Variants in EGF observed in about 807,000 individuals in gnomAD.
The protein encoded by EGF is pro-epidermal growth factor.
In EGF, 95 loss-of-function variants were observed where a neutral mutation model predicts 143.8. That is an observed-to-expected ratio of 0.66 (90% CI 0.56 to 0.78). The LOEUF (loss-of-function observed/expected upper bound fraction) is 0.78. EGF is among the 30% of genes least tolerant of loss of function. EGF has a pLI of 0.00. For missense variants in EGF, 1,320 were observed against 1,470.9 expected, an observed-to-expected ratio of 0.90 and a Z score of 1.68; for synonymous variants, 510 against 510.5, an observed-to-expected ratio of 1.00 and a Z score of 0.01.
intron 18 of EGF, among the ~76,000 whole-genome samples, chr4:109,990,810 G>A (rs1055046020): frequency 4.6e-5 from 7 of 152,286 alleles, no homozygotes; most frequent in South Asian, 2.1e-4. Flanking sequence ...GCAAGAGAAC[G>A]CTCTAGTTTC....
rs753084591 is a variant in EGF at position 109,994,744 on chromosome 4, C to G, written c.2869C>G (p.Pro957Ala). The change falls in exon 20 of 24, where the codon CCC becomes GCC. Residue 957 changes from proline (P) to alanine (A), a missense_variant. Pro to Ala is a conservative substitution (Grantham distance 27). This residue lies in a region of EGF where 1,186 missense variants were observed against 1,313.7 expected (regional missense o/e 0.90). Coordinates refer to ENST00000265171, the MANE Select transcript of EGF (RefSeq NM_001963.6). ...TTGGGTTCTTTTAGACTCTACTCCA[C>G]CCCCTCACCTCAGGGAAGATGACCA... Reference protein sequence around the residue: ...PGLICPDSTPPPHLREDDHHY... With the variant: ...PGLICPDSTPAPHLREDDHHY... 1.9e-6 allele frequency: 3 copies of G among 1,614,040 alleles called. No individual in the cohort carries two copies. In the South Asian group the frequency reaches 3.3e-5, roughly 18 times the overall value.
intron 6 of EGF, 59 bp downstream of exon 6, chr4:109,959,496 C>T (rs1301762606): frequency 6.2e-7 from 1 of 1,610,238 alleles, no homozygotes; most frequent in Non-Finnish European, 8.5e-7. Flanking sequence ...GGGAGGAATG[C>T]TCAACTGAGC....
chr4:109,999,055 ACGTCCCTTTTTC>A (rs1752202995), intron 20 of EGF, among the ~76,000 whole-genome samples: 1 of 152,214 alleles, frequency 6.6e-6, no homozygotes, highest in African/African-American at 2.4e-5. Context: ...TTGTAGGTGA[ACGTCCCTTTTTC>A]CTCCATATAG....
At chr4:109,936,506 A>G (rs1168051147) in intron 1 of EGF, among the ~76,000 whole-genome samples, 3 of 152,128 alleles carry the variant, frequency 2.0e-5, no homozygotes, top group Non-Finnish European at 4.4e-5. Flanking sequence ...TCCTGGATTC[A>G]TTAATTTTTT....
rs748212073 is a variant in EGF at position 109,913,355 on chromosome 4, T to A, written c.20T>A (p.Ile7Asn). Residue 7 changes from isoleucine to asparagine, a missense_variant, in exon 1 of 24, where the codon ATT (isoleucine) becomes AAT (asparagine). Around this residue, in one of 5 missense-constraint regions of EGF, gnomAD observed 79 missense variants for 71.2 expected, o/e 1.11. Coordinates refer to ENST00000265171, the MANE Select transcript of EGF (RefSeq NM_001963.6). ...AAGATTATGCTGCTCACTCTTATCA[T>A]TCTGTTGCCAGTAGTTTCAAAATTT... Reference protein sequence around the residue: MLLTLIILLPVVSKFSF... With the variant: MLLTLINLLPVVSKFSF... 2 of 1,613,876 alleles carry A rather than the reference T, an allele frequency of 1.2e-6. No individual in the cohort carries two copies. The highest frequency in any genetic ancestry group is 2.7e-5 in the African/African-American group (2 of 74,936).
chr4:109,926,025 A>C (rs1738579384), intron 1 of EGF, among the ~76,000 whole-genome samples: 1 of 152,172 alleles, frequency 6.6e-6, no homozygotes, highest in African/African-American at 2.4e-5. Flanking sequence ...AGTAATCATA[A>C]AAATCTTTGT....
At chr4:109,993,439 A>G (rs1054384975) in intron 19 of EGF, 70 bp downstream of exon 19, 2 of 1,596,008 alleles carry the variant, frequency 1.3e-6, no homozygotes, top group African/African-American at 1.3e-5. Flanking sequence ...CCTAATCTCT[A>G]TTTGCATTAG....
chr4:110,010,299 A>G (rs1578419789), intron 23 of EGF, among the ~76,000 whole-genome samples: 3 of 151,462 alleles, frequency 2.0e-5, no homozygotes, highest in East Asian at 1.9e-4. Flanking sequence ...CCTGAGCTCT[A>G]TCTACTCTCA....
chr4:109,922,002 A>G (rs1220017681), intron 1 of EGF, among the ~76,000 whole-genome samples: 1 of 151,480 alleles, frequency 6.6e-6, no homozygotes, highest in African/African-American at 2.5e-5. Flanking sequence ...TGAAGCTACC[A>G]AGGGTCTTCT....
At position 109,913,477 on chromosome 4, in the gene EGF, GA is replaced by G. The variant is rs749414467; in HGVS notation, c.127+19del. On this transcript the variant is annotated intron_variant, in intron 1 of 23. Transcript: ENST00000265171. ...TACTTGTGTGGGTAAGTACTCCAATGAAAAGGTGCTCCAGGTCTCCGGGAAA... is the reference window on the plus strand; with the variant it reads ...TACTTGTGTGGGTAAGTACTCCAATGAAAGGTGCTCCAGGTCTCCGGGAAA... The G allele has an allele frequency of 1.2e-6, 2 of 1,612,742 alleles. No homozygotes were observed. Among genetic ancestry groups the G allele is most frequent in the East Asian group, 2.2e-5 (1 of 44,780 alleles).
chr4:109,997,319 C>T (rs1229170166), intron 20 of EGF, among the ~76,000 whole-genome samples: 1 of 152,078 alleles, frequency 6.6e-6, no homozygotes, highest in African/African-American at 2.4e-5. Flanking sequence ...AATCTTGTAG[C>T]CTCCAGCTGC....
intron 1 of EGF, among the ~76,000 whole-genome samples, chr4:109,931,245 C>A (rs1739635827): frequency 6.6e-6 from 1 of 152,172 alleles, no homozygotes; most frequent in Non-Finnish European, 1.5e-5. Flanking sequence ...ACTTTCACAT[C>A]TGTAATTATT....
At chr4:110,001,300 T>C (rs181913896) in intron 21 of EGF, among the ~76,000 whole-genome samples, 3 of 152,350 alleles carry the variant, frequency 2.0e-5, no homozygotes, top group Non-Finnish European at 4.4e-5. Flanking sequence ...ATCTGTTATT[T>C]TGATTTTTTA....
chr4:109,980,597 G>T, intron 14 of EGF: 1 of 556,096 alleles, frequency 1.8e-6, no homozygotes, highest in Non-Finnish European at 3.2e-6. Flanking sequence ...TGAAAAAAGT[G>T]CTGGCTATAC....
At chr4:109,919,456 C>T (rs1737393779) in intron 1 of EGF, among the ~76,000 whole-genome samples, 1 of 151,934 alleles carries the variant, frequency 6.6e-6, no homozygotes. Context: ...TTTACTTTGG[C>T]TTGATGGACA....
chr4:109,938,691 TGGG>T (rs1741346297), intron 1 of EGF, among the ~76,000 whole-genome samples: 1 of 152,218 alleles, frequency 6.6e-6, no homozygotes, highest in African/African-American at 2.4e-5. Context: ...GACCTACGGA[TGGG>T]GTTTTGATGT....
rs59333088 is a variant in EGF, at chr4:109,954,045, T to TTTTA, written c.941-5247_941-5244dup. On this transcript the variant is annotated intron_variant, in intron 5 of 23. Transcript: ENST00000265171. ...AGGGCTCTTCTAAGAGTTAAAAGCATTTTATTTATTTATTTATTTATTTTG... is the reference window on the plus strand; with the variant it reads ...AGGGCTCTTCTAAGAGTTAAAAGCATTTTATTTATTTATTTATTTATTTATTTTG... 9.6e-3 allele frequency among the ~76,000 whole-genome samples: 1,460 copies of TTTTA among 152,106 alleles called. 22 individuals carry two copies. The highest frequency in any genetic ancestry group is 0.033 in the African/African-American group (1,371 of 41,478).
chr4:109,996,636 G>A (rs1037919675), intron 20 of EGF, among the ~76,000 whole-genome samples: 1 of 152,126 alleles, frequency 6.6e-6, no homozygotes, highest in Non-Finnish European at 1.5e-5. Flanking sequence ...TCTGTACAGA[G>A]TGCTCTTCAT....
rs796545471 is a variant in EGF, at chr4:110,012,367, GTTT to G, written c.*924_*926del. 199 of 142,636 alleles carry G rather than the reference GTTT, an allele frequency of 1.4e-3. 2 individuals carry two copies. Among genetic ancestry groups the G allele is most frequent in the African/African-American group, 4.7e-3 (182 of 38,930 alleles). The allele number at this position is 142,636 out of a possible 1,614,324, so 8.8% of individuals were successfully genotyped here. ...AAGCTTGCTGATGTTTCTGTTTTTC[GTTT>G]TTTTTTTTTTTCCGGAGAGAGGATA... On this transcript the variant is annotated 3_prime_UTR_variant, in exon 24 of 24. Transcript: ENST00000265171.
Sources: allele counts gnomAD v4.1 joint callset (sites outside exome capture counted in the v4.1 genomes callset), GRCh38; gene constraint gnomAD v4.1.1; regional missense constraint gnomAD v4.1.1; transcripts MANE v1.5; gene names NCBI Gene and HGNC (gene_info 2026-07-23, HGNC 2026-07-21).